ITGB3BP: variants seen among roughly 807,000 people sequenced by gnomAD.
ITGB3BP encodes the protein centromere protein R.
ITGB3BP carries 27 observed loss-of-function variants against 29.1 expected under a neutral mutation model. That is an observed-to-expected ratio of 0.93 (90% CI 0.68 to 1.28). The LOEUF (loss-of-function observed/expected upper bound fraction) is 1.28. ITGB3BP is among the 50% of genes most tolerant of loss of function. The pLI is 0.00. For missense variants in ITGB3BP, 192 were observed against 200.2 expected (o/e 0.96, Z 0.25); for synonymous variants, 61 against 61.4 (o/e 0.99, Z 0.03).
In ITGB3BP at chr1:63,448,766, A is replaced by G. The variant is rs184675083; in HGVS notation, c.485-1910T>C. Among the ~76,000 whole-genome samples, 218 of 152,216 alleles carry G rather than the reference A, an allele frequency of 1.4e-3. 1 individual carries two copies. Among genetic ancestry groups the G allele is most frequent in the African/African-American group, 5.1e-3 (213 of 41,530 alleles). ...TCAGTCTATTCATTACTGTCTTTTT[A>G]CAGTATTTTTATTTAATAAAACCTA... is the stretch of plus-strand genomic sequence containing the variant. On this transcript the variant is annotated intron_variant, in intron 7 of 8. Transcript: ENST00000271002.
At chr1:63,515,900 A>G (rs956281299) in intron 1 of ITGB3BP, among the ~76,000 whole-genome samples, 10 of 151,950 alleles carry the variant, frequency 6.6e-5, no homozygotes, top group African/African-American at 2.4e-4. Context: ...TCAAAGGAAA[A>G]TAAATCATTA....
At chr1:63,450,796 T>A (rs1235810499) in intron 7 of ITGB3BP, among the ~76,000 whole-genome samples, 1 of 151,960 alleles carries the variant, frequency 6.6e-6, no homozygotes, top group Non-Finnish European at 1.5e-5. Context: ...GTTTAAGAAA[T>A]CTGTGTTTAG....
intron 4 of ITGB3BP, among the ~76,000 whole-genome samples, chr1:63,477,863 A>T (rs1645368424): frequency 6.6e-6 from 1 of 152,150 alleles, no homozygotes; most frequent in African/African-American, 2.4e-5. Flanking sequence ...TGAAAATTTA[A>T]CCCCTGTTCT....
At chr1:63,478,636 A>G in intron 4 of ITGB3BP, 128 bp downstream of exon 4, 1 of 537,402 alleles carries the variant, frequency 1.9e-6, no homozygotes, top group Non-Finnish European at 3.3e-6. Flanking sequence ...CTTACTTAAG[A>G]AAGAATATTT....
At chr1:63,456,190 T>C (rs1414947012) in intron 4 of ITGB3BP, among the ~76,000 whole-genome samples, 1 of 152,310 alleles carries the variant, frequency 6.6e-6, no homozygotes, top group East Asian at 1.9e-4. Flanking sequence ...AAGACAAATA[T>C]GTTAAAATTT....
At position 63,465,571 on chromosome 1, in the gene ITGB3BP, A is replaced by T. The variant is rs79252085; in HGVS notation, c.255-10603T>A. 6.7e-3 allele frequency among the ~76,000 whole-genome samples: 1,019 copies of T among 151,908 alleles called. 10 individuals are homozygous for T. Among genetic ancestry groups the T allele is most frequent in the African/African-American group, 0.023 (943 of 41,448 alleles). On this transcript the variant is annotated intron_variant, in intron 4 of 8. Coordinates refer to ENST00000271002, the MANE Select transcript of ITGB3BP (RefSeq NM_014288.5). ...CCAGGCTTGCTAATTAAAAAAAAAA[A>T]TTTTGTAGAGATGGGATCTCCCTAT... is the stretch of plus-strand genomic sequence containing the variant.
chr1:63,479,159 T>C (rs972025209), intron 3 of ITGB3BP, among the ~76,000 whole-genome samples: 18 of 152,140 alleles, frequency 1.2e-4, no homozygotes, highest in Non-Finnish European at 2.1e-4. Flanking sequence ...ATCAAATATT[T>C]TAATCAATGA....
At chr1:63,470,313 A>G (rs1318341380) in intron 4 of ITGB3BP, among the ~76,000 whole-genome samples, 2 of 152,184 alleles carry the variant, frequency 1.3e-5, no homozygotes, top group Admixed American at 1.3e-4. Context: ...ACAAGACTTC[A>G]TTTACATGAG....
At chr1:63,443,323 T>A (rs562023728) in intron 8 of ITGB3BP, 1 of 152,426 alleles carries the variant, frequency 6.6e-6, no homozygotes, top group East Asian at 1.9e-4. Flanking sequence ...GGGAAGCTTA[T>A]GCAGAAGATG....
chr1:63,519,631 A>C (rs1646406547), intron 1 of ITGB3BP, among the ~76,000 whole-genome samples: 1 of 152,108 alleles, frequency 6.6e-6, no homozygotes, highest in Non-Finnish European at 1.5e-5. Flanking sequence ...AAATTATATA[A>C]CTTTGAATAT....
At chr1:63,470,793 A>G (rs1570175250) in intron 4 of ITGB3BP, among the ~76,000 whole-genome samples, 1 of 152,224 alleles carries the variant, frequency 6.6e-6, no homozygotes, top group Admixed American at 6.5e-5. Flanking sequence ...TTTCTGTGCC[A>G]TAAGGTATGC....
intron 1 of ITGB3BP, among the ~76,000 whole-genome samples, chr1:63,509,414 GAGAAAT>G (rs1364471589): frequency 6.6e-6 from 1 of 152,154 alleles, no homozygotes; most frequent in African/African-American, 2.4e-5. Context: ...CCTGATTCTT[GAGAAAT>G]AGAAATAGAA....
At chr1:63,518,795 T>C (rs1208502033) in intron 1 of ITGB3BP, among the ~76,000 whole-genome samples, 1 of 152,172 alleles carries the variant, frequency 6.6e-6, no homozygotes, top group Non-Finnish European at 1.5e-5. Context: ...TGTTCTTTTT[T>C]ACCTGCCTTC....
At chr1:63,507,701 G>C (rs1261354628) in intron 2 of ITGB3BP, among the ~76,000 whole-genome samples, 1 of 152,156 alleles carries the variant, frequency 6.6e-6, no homozygotes, top group Non-Finnish European at 1.5e-5. Context: ...AAAGCATGTA[G>C]CAAGTTTTCT....
Position 63,454,557 on chromosome 1 carries a change from T to C in ITGB3BP, c.334-84A>G. On this transcript the variant is annotated intron_variant, in intron 5 of 8. Coordinates refer to ENST00000271002, the MANE Select transcript of ITGB3BP (RefSeq NM_014288.5). The surrounding 1 kb of genome is among the most constrained non-coding windows in gnomAD (Gnocchi z 4.1). ...GTCTAGTGAAAATACAGTATATTGT[T>C]TCCTTCATTTGAAAAACTTAAACTT... is the stretch of plus-strand genomic sequence containing the variant. 1 of 638,798 alleles carries C rather than the reference T, an allele frequency of 1.6e-6. No individual in the cohort carries two copies. Among genetic ancestry groups the C allele is most frequent in the Non-Finnish European group, 2.7e-6 (1 of 371,738 alleles). 39.6% of individuals were successfully genotyped at this position (638,798 alleles called of 1,614,324 possible). A position where few individuals can be genotyped will look rare whatever the true frequency, so the allele number is the denominator to read the frequency against.
chr1:63,452,213 T>C (rs564570594), intron 7 of ITGB3BP: 65 of 152,320 alleles, frequency 4.3e-4, no homozygotes, highest in African/African-American at 1.5e-3. Flanking sequence ...TTTTTCTTTA[T>C]ATTATTAGCA....
intron 8 of ITGB3BP, among the ~76,000 whole-genome samples, chr1:63,445,234 C>T (rs557752230): frequency 2.0e-5 from 3 of 151,908 alleles, no homozygotes; most frequent in African/African-American, 4.8e-5. Flanking sequence ...TTCAGTGAGC[C>T]GAGATCGTGC....
intron 8 of ITGB3BP, 145 bp downstream of exon 8, chr1:63,446,661 G>C: frequency 1.6e-6 from 1 of 635,076 alleles, no homozygotes; most frequent in Non-Finnish European, 2.8e-6. Context: ...ATTAATATAA[G>C]TTCAACTAAA....
chr1:63,452,527 C>A (rs1023926912), intron 7 of ITGB3BP, among the ~76,000 whole-genome samples: 4 of 152,164 alleles, frequency 2.6e-5, no homozygotes, highest in Admixed American at 6.5e-5. Flanking sequence ...AGAGGCCAGG[C>A]GTGTTGGCTT....
Sources: gnomAD v4.1 joint callset for allele counts (sites outside exome capture counted in the v4.1 genomes callset) on GRCh38, gnomAD v4.1.1 for gene constraint, Gnocchi (gnomAD v3.1) non-coding constraint, MANE v1.5 for transcripts, NCBI Gene and HGNC (gene_info 2026-07-23, HGNC 2026-07-21) for gene names.